The following DCC variants were observed in gnomAD, a reference collection of about 807,000 sequenced individuals.
The protein encoded by DCC is DCC netrin 1 receptor.
In DCC, 58 loss-of-function variants were observed where a neutral mutation model predicts 172.5. The ratio of observed to expected loss-of-function variants is 0.34; its 90% CI spans 0.27 to 0.42. The LOEUF (loss-of-function observed/expected upper bound fraction) is 0.42. DCC is among the 10% of genes least tolerant of loss of function. The probability of loss-of-function intolerance (pLI) is 1.00; values close to 1 mark genes in which losing one functional copy is unlikely to be tolerated. For synonymous variants in DCC, 709 were observed against 644.5 expected (o/e 1.10, Z -1.52); for missense variants, 1,740 against 1,791.0 (o/e 0.97, Z 0.51).
chr18:53,477,719 G>A (rs1355772833), intron 25 of DCC, among the ~76,000 whole-genome samples: 2 of 152,146 alleles, frequency 1.3e-5, no homozygotes, highest in African/African-American at 4.8e-5. Context: ...TTCATGGGAA[G>A]GCAGAATCTT....
intron 3 of DCC, among the ~76,000 whole-genome samples, chr18:52,917,504 G>A (rs2040060112): frequency 6.6e-6 from 1 of 152,088 alleles, no homozygotes; most frequent in African/African-American, 2.4e-5. Context: ...TGTCTGCATC[G>A]TTATTCTTTG....
intron 25 of DCC, 125 bp downstream of exon 25, chr18:53,468,135 G>C (rs79528572): frequency 0.036 from 25,421 of 699,230 alleles, 622 homozygotes; most frequent in South Asian, 0.046. Context: ...ATGGAAATGA[G>C]GAATGACTAA....
At chr18:52,344,705 G>A (rs1284171302) in intron 1 of DCC, among the ~76,000 whole-genome samples, 1 of 152,136 alleles carries the variant, frequency 6.6e-6, no homozygotes, top group Non-Finnish European at 1.5e-5. Flanking sequence ...GGGAGACTGT[G>A]CCCTAAGATT....
chr18:53,056,329 T>A (rs531959991), intron 5 of DCC, among the ~76,000 whole-genome samples: 4 of 152,202 alleles, frequency 2.6e-5, no homozygotes, highest in African/African-American at 9.6e-5. Context: ...TCCAGTCATC[T>A]CCCACCAGAT....
At chr18:53,166,617 C>T (rs73960210) in intron 8 of DCC, among the ~76,000 whole-genome samples, 5 of 152,236 alleles carry the variant, frequency 3.3e-5, no homozygotes, top group South Asian at 2.1e-4. Flanking sequence ...CCATTTGTTA[C>T]GTAACTAGTC....
chr18:53,159,008 A>AAAAAAAAT (rs34406723), intron 8 of DCC, among the ~76,000 whole-genome samples: 1 of 119,180 alleles, frequency 8.4e-6, no homozygotes, highest in African/African-American at 3.3e-5. Context: ...AAAAAAAAGA[A>AAAAAAAAT]GAAGATGTAG....
chr18:53,462,410 G>T (rs1242981546), intron 24 of DCC, among the ~76,000 whole-genome samples: 1 of 151,792 alleles, frequency 6.6e-6, no homozygotes, highest in African/African-American at 2.4e-5. Context: ...ACATGTGAGG[G>T]ATCTAGGCTG....
chr18:53,287,674 A>G (rs1282282465), intron 12 of DCC, among the ~76,000 whole-genome samples: 3 of 152,218 alleles, frequency 2.0e-5, no homozygotes, highest in Admixed American at 1.3e-4. Context: ...CAATATTGTT[A>G]TTATGTGTTT....
chr18:53,097,500 G>A (rs2043103985), intron 7 of DCC, among the ~76,000 whole-genome samples: 1 of 152,070 alleles, frequency 6.6e-6, no homozygotes, highest in African/African-American at 2.4e-5. Context: ...AACTTGATTG[G>A]GGAAGATAGA....
chr18:52,525,834 G>A (rs1038964877), intron 1 of DCC, among the ~76,000 whole-genome samples: 2 of 152,156 alleles, frequency 1.3e-5, no homozygotes, highest in Non-Finnish European at 2.9e-5. Context: ...GGAAGCCAAA[G>A]ATGATGAATC....
intron 2 of DCC, among the ~76,000 whole-genome samples, chr18:52,846,887 C>T (rs986003450): frequency 5.3e-5 from 8 of 151,976 alleles, no homozygotes; most frequent in African/African-American, 9.7e-5. Flanking sequence ...AGGCAGGGGG[C>T]GAGCACATGG....
In DCC at chr18:53,282,320, C is replaced by T. The variant is rs561206526; in HGVS notation, c.1912-23258C>T. ...TGCTTCTACCACACTGTTTTCCAGG[C>T]AAGAGCATCTGATAAGTAGGGCCAG... On this transcript the variant is annotated intron_variant, in intron 12 of 28. Transcript: ENST00000442544. Among the ~76,000 whole-genome samples, 901 of 152,258 alleles carry T rather than the reference C, an allele frequency of 5.9e-3. 5 individuals carry two copies. The highest frequency in any genetic ancestry group is 9.4e-3 in the Admixed American group (144 of 15,276).
At chr18:53,338,474 C>A (rs1323233751) in intron 14 of DCC, among the ~76,000 whole-genome samples, 1 of 152,142 alleles carries the variant, frequency 6.6e-6, no homozygotes, top group Non-Finnish European at 1.5e-5. Flanking sequence ...TGGTGGCAGG[C>A]ACCTGTAATC....
At chr18:53,202,437 A>G (rs1431244031) in intron 9 of DCC, among the ~76,000 whole-genome samples, 2 of 152,166 alleles carry the variant, frequency 1.3e-5, no homozygotes, top group African/African-American at 2.4e-5. Flanking sequence ...AAAAATATGG[A>G]CTTTTGCTTA....
intron 19 of DCC, among the ~76,000 whole-genome samples, chr18:53,406,966 T>G (rs1458191750): frequency 6.6e-6 from 1 of 152,118 alleles, no homozygotes; most frequent in Admixed American, 6.6e-5. Flanking sequence ...AAGAAAAGGG[T>G]AGGCTTCACC....
chr18:53,235,783 C>A (rs1049513699), intron 12 of DCC, among the ~76,000 whole-genome samples: 2 of 152,090 alleles, frequency 1.3e-5, no homozygotes, highest in African/African-American at 4.8e-5. Context: ...TCGCCGTTCC[C>A]CTCTTCCCTA....
chr18:53,097,934 C>G (rs2144205941), intron 7 of DCC, among the ~76,000 whole-genome samples: 1 of 152,198 alleles, frequency 6.6e-6, no homozygotes, highest in Admixed American at 6.5e-5. Flanking sequence ...AGCCCTGTCT[C>G]TAAATACAGT....
chr18:52,610,160 AAAAAAAAAAAAAAAAAAAATAT>A (rs2034224032), intron 1 of DCC, among the ~76,000 whole-genome samples: 2 of 11,518 alleles, frequency 1.7e-4, no homozygotes, highest in Non-Finnish European at 3.0e-4. Flanking sequence ...ATAAAAAAAA[AAAAAAAAAAAAAAAAAAAATAT>A]ATATATATAT....
intron 25 of DCC, among the ~76,000 whole-genome samples, chr18:53,476,016 G>A (rs955359476): frequency 1.3e-5 from 2 of 152,210 alleles, no homozygotes; most frequent in African/African-American, 4.8e-5. Context: ...GGAGCTTTAA[G>A]ATTTGACTGC....
Sources: gnomAD v4.1 joint callset for allele counts (sites outside exome capture counted in the v4.1 genomes callset) on GRCh38, gnomAD v4.1.1 for gene constraint, MANE v1.5 for transcripts, NCBI Gene and HGNC (gene_info 2026-07-23, HGNC 2026-07-21) for gene names.